SLC22A5: variants seen among roughly 807,000 people sequenced by gnomAD.
SLC22A5 encodes organic cation/carnitine transporter 2.
In SLC22A5, 44 loss-of-function variants were observed where a neutral mutation model predicts 56.7. The observed-to-expected ratio is 0.78, with a 90% CI of 0.61 to 1.00. The LOEUF (loss-of-function observed/expected upper bound fraction) is 1.00. Ranked by LOEUF, SLC22A5 falls within the 50% of genes least tolerant of loss-of-function variation. The probability of loss-of-function intolerance (pLI) is 0.00; values close to 1 mark genes in which losing one functional copy is unlikely to be tolerated. For synonymous variants in SLC22A5, 278 were observed against 292.1 expected, an observed-to-expected ratio of 0.95 and a Z score of 0.49; for missense variants, 675 against 723.0, an observed-to-expected ratio of 0.93 and a Z score of 0.76.
chr5:132,378,648 A>C, intron 2 of SLC22A5, 167 bp downstream of exon 2: 1 of 644,852 alleles, frequency 1.6e-6, no homozygotes, highest in East Asian at 2.8e-5. Context: ...AAGAAGAGCC[A>C]ACAAATCTGA....
Position 132,384,424 on chromosome 5 carries a change from A to T in SLC22A5, c.652+123A>T, listed in dbSNP as rs924946766. ...GACAGGGTTTCTAACAAAACTAGCC[A>T]GAGCTTCCTGGTGAACCTTACTTAC... On this transcript the variant is annotated intron_variant, in intron 3 of 9. Transcript: ENST00000245407. 28 of 1,053,946 alleles carry T rather than the reference A, an allele frequency of 2.7e-5. 1 individual carries two copies. In the South Asian group the frequency reaches 3.6e-4, roughly 14 times the overall value. 65.3% of individuals were successfully genotyped at this position (1,053,946 alleles called of 1,614,324 possible). A position where few individuals can be genotyped will look rare whatever the true frequency, so the allele number is the denominator to read the frequency against.
Position 132,384,259 on chromosome 5 carries a change from G to A in SLC22A5, c.610G>A (p.Gly204Ser). 6.2e-7 allele frequency: 1 copy of A among 1,614,248 alleles called. No homozygotes were observed. The highest frequency in any genetic ancestry group is 8.5e-7 in the Non-Finnish European group (1 of 1,180,050). Residue 204 changes from glycine (G) to serine (S), a missense_variant, in exon 3 of 10, where the codon GGC (glycine) becomes AGC (serine). Transcript: ENST00000245407. ...EMFVVLFVLV[G>S]MGQISNYVAA... The stretch of plus-strand genomic sequence containing the variant: ...GTTTGTCGTGCTGTTTGTCCTTGTA[G>A]GCATGGGCCAGATCTCCAACTATGT...
chr5:132,378,387 G>A lies in SLC22A5; in HGVS notation c.403G>A (p.Val135Met). 6.2e-7 allele frequency: 1 copy of A among 1,614,154 alleles called. No individual in the cohort carries two copies. The highest frequency in any genetic ancestry group is 8.5e-7 in the Non-Finnish European group (1 of 1,179,958). Residue 135 changes from valine (V) to methionine (M), a missense_variant, in exon 2 of 10, where the codon GTG becomes ATG. Transcript: ENST00000245407. Reference sequence around the variant, plus strand: ...TTTGCTCATCTTGCAGTGGAACCTGGTGTGTGAGGACGACTGGAAGGCCCC... The same window carrying A: ...TTTGCTCATCTTGCAGTGGAACCTGATGTGTGAGGACGACTGGAAGGCCCC... ...LSTIVTEWNL[V>M]CEDDWKAPLT...
intron 2 of SLC22A5, chr5:132,380,835 A>G (rs1752321461): frequency 1.3e-5 from 2 of 151,074 alleles, no homozygotes; most frequent in Non-Finnish European, 3.0e-5. Context: ...ATGGTACTGC[A>G]TGAGAGGTTT....
In SLC22A5 at chr5:132,384,243, G is replaced by C. The variant is rs1401437158; in HGVS notation, c.594G>C (p.Val198=). 3 of 1,614,132 alleles carry C rather than the reference G, an allele frequency of 1.9e-6. No homozygotes were observed. In the African/African-American group the frequency reaches 4.0e-5, roughly 22 times the overall value. ...CGAAGAATTTTGAGATGTTTGTCGT[G>C]CTGTTTGTCCTTGTAGGCATGGGCC... ...IFSKNFEMFV[V]LFVLVGMGQI... Residue 198 remains valine, a synonymous_variant, in exon 3 of 10, where the codon GTG becomes GTC. Transcript: ENST00000245407.
intron 4 of SLC22A5, among the ~76,000 whole-genome samples, chr5:132,386,515 AC>A (rs1752536109): frequency 6.6e-6 from 1 of 152,128 alleles, no homozygotes; most frequent in Admixed American, 6.6e-5. Flanking sequence ...ATAGGAGTGA[AC>A]CACTGCACCT....
At chr5:132,371,073 G>C in intron 1 of SLC22A5, among the ~76,000 whole-genome samples, 1 of 150,644 alleles carries the variant, frequency 6.6e-6, no homozygotes, top group South Asian at 2.1e-4. Context: ...TTCGCCTTCC[G>C]GGCTCAAGTG....
intron 2 of SLC22A5, chr5:132,381,238 G>C (rs1330358981): frequency 6.6e-6 from 1 of 152,194 alleles, no homozygotes; most frequent in Non-Finnish European, 1.5e-5. Flanking sequence ...AGTGTGTTTA[G>C]GACCACTTTA....
intron 1 of SLC22A5, among the ~76,000 whole-genome samples, chr5:132,372,522 C>T (rs925585870): frequency 1.3e-5 from 2 of 152,222 alleles, no homozygotes; most frequent in African/African-American, 4.8e-5. Flanking sequence ...GATGAGCTCC[C>T]AAAGGCCAGC....
At chr5:132,380,317 C>T (rs1397228796) in intron 2 of SLC22A5, 1 of 152,208 alleles carries the variant, frequency 6.6e-6, no homozygotes, top group Non-Finnish European at 1.5e-5. Flanking sequence ...CAGGCAGAGC[C>T]CTGGGCAGAT....
intron 3 of SLC22A5, 128 bp downstream of exon 3, chr5:132,384,429 TTCCTG>T (rs1752454641): frequency 9.9e-7 from 1 of 1,008,508 alleles, no homozygotes; most frequent in Non-Finnish European, 1.5e-6. Flanking sequence ...TAGCCAGAGC[TTCCTG>T]GTGAACCTTA....
intron 6 of SLC22A5, 165 bp from the exon 7 acceptor site, chr5:132,390,525 C>A: frequency 1.4e-6 from 1 of 703,240 alleles, no homozygotes; most frequent in South Asian, 1.5e-5. Context: ...GGAAAATTAT[C>A]TTTTGATCTA....
rs374638128 is a variant in SLC22A5 at position 132,394,561 on chromosome 5, C to A, written c.*289C>A. ...AAAGCAGTTAATTTTTCACTAGAAC[C>A]AGTGAGATCTGGAGGAATGTGAGAA... is the stretch of plus-strand genomic sequence containing the variant. On this transcript the variant is annotated 3_prime_UTR_variant, in exon 10 of 10. Transcript: ENST00000245407. 22 of 489,142 alleles carry A rather than the reference C, an allele frequency of 4.5e-5. No individual in the cohort carries two copies. The highest frequency in any genetic ancestry group is 3.7e-4 in the African/African-American group (19 of 51,680). The allele number at this position is 489,142 out of a possible 1,614,324, so 30.3% of individuals were successfully genotyped here.
At chr5:132,381,723 C>T (rs1752355203) in intron 2 of SLC22A5, 2 of 152,218 alleles carry the variant, frequency 1.3e-5, no homozygotes, top group Non-Finnish European at 2.9e-5. Context: ...AAGAGATGCA[C>T]AACTCTAGGA....
intron 6 of SLC22A5, 131 bp from the exon 7 acceptor site, chr5:132,390,559 T>A (rs529688677): frequency 2.6e-6 from 2 of 758,688 alleles, no homozygotes; most frequent in African/African-American, 3.4e-5. Flanking sequence ...AGGGTTACAG[T>A]TACTGCTGCC....
At chr5:132,385,010 A>G (rs1752473258) in intron 3 of SLC22A5, among the ~76,000 whole-genome samples, 1 of 152,170 alleles carries the variant, frequency 6.6e-6, no homozygotes, top group Non-Finnish European at 1.5e-5. Flanking sequence ...TGACTTAGTA[A>G]TGACTTCACT....
At chr5:132,372,031 C>T (rs1751954384) in intron 1 of SLC22A5, among the ~76,000 whole-genome samples, 1 of 152,186 alleles carries the variant, frequency 6.6e-6, no homozygotes. Flanking sequence ...AGCATTTGGA[C>T]CTGCTTTCTC....
At chr5:132,388,574 G>C (rs1037390759) in intron 5 of SLC22A5, among the ~76,000 whole-genome samples, 2 of 152,162 alleles carry the variant, frequency 1.3e-5, no homozygotes, top group Non-Finnish European at 2.9e-5. Flanking sequence ...CAGGGAGCCA[G>C]GCTTCGGGAG....
In SLC22A5 at chr5:132,392,320, G is replaced by A. The variant is rs1057075156; in HGVS notation, c.1268-113G>A. 7.6e-6 allele frequency: 7 copies of A among 916,496 alleles called. No individual in the cohort carries two copies. The East Asian group carries it at 1.4e-4, about 19-fold the overall frequency. The allele number at this position is 916,496 out of a possible 1,614,324, so 56.8% of individuals were successfully genotyped here. A position where few individuals can be genotyped will look rare whatever the true frequency, so the allele number is the denominator to read the frequency against. On this transcript the variant is annotated intron_variant, in intron 7 of 9. Coordinates refer to ENST00000245407, the MANE Select transcript of SLC22A5 (RefSeq NM_003060.4). ...AGCCCCTTCCCCCACAATAGGAAGTGATAGAAACTGACTCCCCAAAAAATT... is the reference window on the plus strand; with the variant it reads ...AGCCCCTTCCCCCACAATAGGAAGTAATAGAAACTGACTCCCCAAAAAATT...
Sources: allele counts gnomAD v4.1 joint callset (sites outside exome capture counted in the v4.1 genomes callset), GRCh38; gene constraint gnomAD v4.1.1; transcripts MANE v1.5; gene names NCBI Gene and HGNC (gene_info 2026-07-23, HGNC 2026-07-21).